Variants in BACE2 observed in about 807,000 individuals in gnomAD.
BACE2 encodes 56 kDa aspartic-like protease.
A neutral mutation model predicts 46.2 loss-of-function variants in BACE2; 17 were observed. The observed-to-expected ratio is 0.37, with a 90% CI of 0.25 to 0.55. BACE2 has a LOEUF of 0.55. BACE2 is among the 20% of genes least tolerant of loss of function. The pLI, the probability that BACE2 is intolerant of heterozygous loss-of-function variation, is 0.82. For missense variants in BACE2, 595 were observed against 698.1 expected, an observed-to-expected ratio of 0.85 and a Z score of 1.66; for synonymous variants, 277 against 295.9, an observed-to-expected ratio of 0.94 and a Z score of 0.66.
intron 1 of BACE2, chr21:41,175,292 C>T (rs1228278580): frequency 6.6e-6 from 1 of 152,212 alleles, no homozygotes; most frequent in Non-Finnish European, 1.5e-5. Context: ...AATATACAAC[C>T]TCGGCGCTGC....
Position 41,226,367 on chromosome 21 carries a change from C to G in BACE2, c.401+13C>G, listed in dbSNP as rs767432146. 3.7e-6 allele frequency: 6 copies of G among 1,608,664 alleles called. No homozygotes were observed. The highest frequency in any genetic ancestry group is 5.1e-6 in the Non-Finnish European group (6 of 1,178,282). On this transcript the variant is annotated intron_variant, in intron 2 of 8. Coordinates refer to ENST00000330333, the MANE Select transcript of BACE2 (RefSeq NM_012105.5). ...TTGACACAGAGAGGTAAGCGCTGGC[C>G]CCTTGGCTGGTGTGCTGGGCCGGGG... is the stretch of plus-strand genomic sequence containing the variant.
intron 1 of BACE2, chr21:41,175,199 G>T (rs1207142102): frequency 6.6e-6 from 1 of 152,208 alleles, no homozygotes; most frequent in Non-Finnish European, 1.5e-5. Flanking sequence ...TTTGTTTTGT[G>T]CTAATGCTTG....
intron 1 of BACE2, among the ~76,000 whole-genome samples, chr21:41,194,367 C>G (rs1478296392): frequency 2.0e-5 from 3 of 152,128 alleles, no homozygotes; most frequent in Admixed American, 2.0e-4. Context: ...CGTAACCTGA[C>G]CATATCAGCT....
chr21:41,188,559 C>T (rs116296666), intron 1 of BACE2, among the ~76,000 whole-genome samples: 4,464 of 152,120 alleles, frequency 0.029, 84 homozygotes, highest in Middle Eastern at 0.078. Flanking sequence ...TCCTACCCAT[C>T]ACCCCCCCAG....
At chr21:41,240,499 G>A (rs9981747) in intron 3 of BACE2, among the ~76,000 whole-genome samples, 19,816 of 152,248 alleles carry the variant, frequency 0.13, 1,396 homozygotes, top group Non-Finnish European at 0.16. Flanking sequence ...GCCCCAGAGC[G>A]GCTCCAGGCA....
intron 1 of BACE2, among the ~76,000 whole-genome samples, chr21:41,208,616 G>T (rs745390401): frequency 6.6e-6 from 1 of 152,136 alleles, no homozygotes; most frequent in Non-Finnish European, 1.5e-5. Flanking sequence ...TGCCTCTCCC[G>T]TGTCCAGAAT....
intron 2 of BACE2, among the ~76,000 whole-genome samples, chr21:41,226,944 T>C (rs949797436): frequency 6.6e-6 from 1 of 151,538 alleles, no homozygotes; most frequent in African/African-American, 2.4e-5. Flanking sequence ...TGGGGTGGAG[T>C]TGAGAAAAAA....
intron 1 of BACE2, among the ~76,000 whole-genome samples, chr21:41,188,084 G>T (rs1985441022): frequency 6.6e-6 from 1 of 152,214 alleles, no homozygotes; most frequent in Middle Eastern, 3.4e-3. Flanking sequence ...GTAGTCCAGG[G>T]GCAACTTCTA....
rs1317679169 is a variant in BACE2, at chr21:41,243,408, A to G, written c.780A>G (p.Lys260=). Residue 260 remains lysine, a synonymous_variant, in exon 5 of 9, where the codon AAA becomes AAG. Transcript: ENST00000330333. ...VLGGIEPSLY[K]GDIWYTPIKE... is the part of the protein sequence containing the mutation. The stretch of plus-strand genomic sequence containing the variant: ...GTGGAATTGAACCAAGTTTGTATAA[A>G]GGAGACATCTGGTATACCCCTATTA... 1.1e-5 allele frequency: 17 copies of G among 1,609,492 alleles called. No individual in the cohort carries two copies. Among genetic ancestry groups the G allele is most frequent in the Non-Finnish European group, 1.4e-5 (16 of 1,178,582 alleles).
At position 41,234,715 on chromosome 21, in the gene BACE2, G is replaced by T. The variant is rs80043267; in HGVS notation, c.402-2798G>T. Among the ~76,000 whole-genome samples, 3 of 152,196 alleles carry T rather than the reference G, an allele frequency of 2.0e-5. No homozygotes were observed. The South Asian group carries it at 6.2e-4, about 32-fold the overall frequency. On this transcript the variant is annotated intron_variant, in intron 2 of 8. Coordinates refer to ENST00000330333, the MANE Select transcript of BACE2 (RefSeq NM_012105.5). ...ATTTTTATTGCTATTCAACATAAGC[G>T]TGTTCATCTCCTCCCATGTGGCAGG...
At position 41,237,669 on chromosome 21, in the gene BACE2, C is replaced by A; in HGVS notation, c.558C>A (p.Phe186Leu). 2 of 1,614,176 alleles carry A rather than the reference C, an allele frequency of 1.2e-6. No homozygotes were observed. The highest frequency in any genetic ancestry group is 2.2e-5 in the East Asian group (1 of 44,890). ...NIATIFESENFFLPGIKWNGI... is the reference protein window; with the variant it reads ...NIATIFESENLFLPGIKWNGI... ...CCACTATTTTTGAATCAGAGAATTT[C>A]TTTTTGCCTGGGATTAAATGGAATG... Residue 186 changes from phenylalanine to leucine, a missense_variant, in exon 3 of 9, where the codon TTC (phenylalanine) becomes TTA (leucine). Around this residue, in one of 3 missense-constraint regions of BACE2, gnomAD observed 4 missense variants for 17.3 expected, o/e 0.23. Coordinates refer to ENST00000330333, the MANE Select transcript of BACE2 (RefSeq NM_012105.5).
At chr21:41,275,250 C>T in intron 8 of BACE2, 121 bp from the exon 9 acceptor site, 1 of 1,404,952 alleles carries the variant, frequency 7.1e-7, no homozygotes, top group South Asian at 1.3e-5. Context: ...GCTGTCTAAG[C>T]CACTGGGACC....
At chr21:41,200,213 C>A (rs576668955) in intron 1 of BACE2, among the ~76,000 whole-genome samples, 4,950 of 128,418 alleles carry the variant, frequency 0.039, 237 homozygotes, top group African/African-American at 0.12. Flanking sequence ...AAAAAAAAAA[C>A]CCAAAACCTC....
chr21:41,229,218 C>A (rs893431483), intron 2 of BACE2, among the ~76,000 whole-genome samples: 5 of 152,216 alleles, frequency 3.3e-5, no homozygotes, highest in African/African-American at 1.2e-4. Context: ...ACACGTTTTC[C>A]ACGTTTCCCC....
intron 1 of BACE2, among the ~76,000 whole-genome samples, chr21:41,205,329 C>A (rs1986091759): frequency 6.6e-6 from 1 of 152,186 alleles, no homozygotes; most frequent in Non-Finnish European, 1.5e-5. Flanking sequence ...AAGCCCTTAA[C>A]CTTAATCAAT....
intron 3 of BACE2, among the ~76,000 whole-genome samples, chr21:41,239,666 C>T (rs1001839286): frequency 3.9e-5 from 6 of 152,150 alleles, no homozygotes; most frequent in African/African-American, 1.2e-4. Context: ...CATGAGCCAC[C>T]GTGCCTGGCC....
At chr21:41,229,496 T>A (rs1986915350) in intron 2 of BACE2, among the ~76,000 whole-genome samples, 1 of 152,194 alleles carries the variant, frequency 6.6e-6, no homozygotes, top group Non-Finnish European at 1.5e-5. Flanking sequence ...TGGCAGCCGC[T>A]CATCGCCAGA....
chr21:41,224,391 T>A (rs1204924099), intron 1 of BACE2, among the ~76,000 whole-genome samples: 2 of 152,012 alleles, frequency 1.3e-5, no homozygotes, highest in African/African-American at 4.8e-5. Context: ...ATTTTTTGTA[T>A]TTTTAGTAGA....
At chr21:41,234,696 A>G (rs1601293495) in intron 2 of BACE2, among the ~76,000 whole-genome samples, 1 of 152,232 alleles carries the variant, frequency 6.6e-6, no homozygotes, top group East Asian at 1.9e-4. Flanking sequence ...CAGTATTTTT[A>G]TTGCTATTCA....
Sources: allele counts gnomAD v4.1 joint callset (sites outside exome capture counted in the v4.1 genomes callset), GRCh38; gene constraint gnomAD v4.1.1; regional missense constraint gnomAD v4.1.1; transcripts MANE v1.5; gene names NCBI Gene and HGNC (gene_info 2026-07-23, HGNC 2026-07-21).